C2orf49: variants seen among roughly 807,000 people sequenced by gnomAD.
The protein encoded by C2orf49 is tRNA splicing ligase complex subunit 2, also known as tRNA-splicing ligase complex subunit ASW.
A neutral mutation model predicts 20.6 loss-of-function variants in C2orf49; 11 were observed. The observed-to-expected ratio is 0.53, with a 90% confidence interval of 0.34 to 0.88. The LOEUF (loss-of-function observed/expected upper bound fraction) is 0.88. Ranked by LOEUF, C2orf49 falls within the 40% of genes least tolerant of loss-of-function variation. The pLI is 0.02. For synonymous variants in C2orf49, 134 were observed against 108.5 expected (o/e 1.24, Z -1.46); for missense variants, 289 against 274.2 (o/e 1.05, Z -0.38).
the C2orf49 span, among the ~76,000 whole-genome samples, chr2:105,366,449 G>C: frequency 6.6e-6 from 1 of 152,208 alleles, no homozygotes; most frequent in South Asian, 2.1e-4. Flanking sequence ...CAGAACCTGT[G>C]ATGAGTTCCA....
the C2orf49 span, among the ~76,000 whole-genome samples, chr2:105,372,344 G>A: frequency 6.6e-6 from 1 of 151,940 alleles, no homozygotes; most frequent in Non-Finnish European, 1.5e-5. Flanking sequence ...TCCTGCCTCA[G>A]CCTCCCGAGT....
At chr2:105,352,283 C>G (rs766736926), downstream of C2orf49, among the ~76,000 whole-genome samples, 3 of 151,986 alleles carry the variant, frequency 2.0e-5, no homozygotes, top group Non-Finnish European at 2.9e-5. Flanking sequence ...ATAGACTTTT[C>G]TCTATTAACA....
At position 105,345,396 on chromosome 2, in the gene C2orf49, A is replaced by G. The variant is rs180906133; in HGVS notation, c.*25A>G. On this transcript the variant is annotated 3_prime_UTR_variant, in exon 4 of 4. Coordinates refer to ENST00000258457, the MANE Select transcript of C2orf49 (RefSeq NM_024093.3). ...AAGAAAAGTTTCCAAAAATGTAAATATACTGTAACTGTAGTTTTTCAAATA... is the reference window on the plus strand; with the variant it reads ...AAGAAAAGTTTCCAAAAATGTAAATGTACTGTAACTGTAGTTTTTCAAATA... 2.6e-6 allele frequency: 4 copies of G among 1,545,838 alleles called. No individual in the cohort carries two copies. The highest frequency in any genetic ancestry group is 3.6e-6 in the Non-Finnish European group (4 of 1,122,196).
At chr2:105,361,940 TC>T in the C2orf49 span, among the ~76,000 whole-genome samples, 1,224 of 152,284 alleles carry the variant, frequency 8.0e-3, 16 homozygotes, top group African/African-American at 0.028. Flanking sequence ...AGTGGGAAGA[TC>T]CTGAGAAAGC....
the C2orf49 span, among the ~76,000 whole-genome samples, chr2:105,364,411 G>A: frequency 6.6e-6 from 1 of 152,174 alleles, no homozygotes; most frequent in African/African-American, 2.4e-5. Flanking sequence ...AGAAGAGATG[G>A]GCATCTTGGA....
downstream of C2orf49, among the ~76,000 whole-genome samples, chr2:105,351,266 A>G (rs890276974): frequency 1.7e-5 from 2 of 119,830 alleles, no homozygotes; most frequent in African/African-American, 6.3e-5. Context: ...ATTTTTTTCC[A>G]CTATAGTTAT....
the C2orf49 span, among the ~76,000 whole-genome samples, chr2:105,385,273 G>T: frequency 6.6e-6 from 1 of 152,226 alleles, no homozygotes; most frequent in East Asian, 1.9e-4. Context: ...CCTGGGAACA[G>T]AAAGTGATGG....
At position 105,345,326 on chromosome 2, in the gene C2orf49, G is replaced by A. The variant is rs775844190; in HGVS notation, c.654G>A (p.Lys218=). Residue 218 remains lysine, a synonymous_variant, in exon 4 of 4, where the codon AAG becomes AAA. Transcript: ENST00000258457. ...KEEAEAMNNL[K]PPQAKRKIQH... ...TTCATGTCTTTCAGAATAACCTGAA[G>A]CCCCCACAAGCAAAAAGGAAGATAC... 5 of 1,612,534 alleles carry A rather than the reference G, an allele frequency of 3.1e-6. No homozygotes were observed. Among genetic ancestry groups the A allele is most frequent in the Middle Eastern group, 3.3e-4 (2 of 6,052 alleles).
At chr2:105,345,105 TA>T (rs1452499783) in intron 3 of C2orf49, among the ~76,000 whole-genome samples, 3 of 152,204 alleles carry the variant, frequency 2.0e-5, no homozygotes, top group African/African-American at 4.8e-5. Flanking sequence ...GGCATGTTTT[TA>T]AGTGCTCTAA....
the C2orf49 span, chr2:105,376,889 A>T: frequency 3.3e-5 from 5 of 152,222 alleles, no homozygotes; most frequent in African/African-American, 1.2e-4. Flanking sequence ...TGAGGACATG[A>T]CGTTAAGTGA....
chr2:105,369,213 G>C, the C2orf49 span, among the ~76,000 whole-genome samples: 4 of 152,208 alleles, frequency 2.6e-5, no homozygotes, highest in African/African-American at 9.7e-5. Flanking sequence ...CAAGCCGACA[G>C]AGGGACTGCC....
At chr2:105,379,468 C>A in the C2orf49 span, among the ~76,000 whole-genome samples, 1 of 152,152 alleles carries the variant, frequency 6.6e-6, no homozygotes, top group African/African-American at 2.4e-5. Flanking sequence ...ATCTAAAATT[C>A]TTTTTCTTAA....
the C2orf49 span, among the ~76,000 whole-genome samples, chr2:105,383,795 A>G: frequency 6.6e-6 from 1 of 152,244 alleles, no homozygotes; most frequent in African/African-American, 2.4e-5. Flanking sequence ...ATTATTTTTG[A>G]AAGTCAAGAA....
At chr2:105,367,460 G>A in the C2orf49 span, 60 of 1,132,822 alleles carry the variant, frequency 5.3e-5, no homozygotes, top group Admixed American at 1.6e-4. Context: ...CAGCTCCCAC[G>A]CCACTTAAGT....
In C2orf49 at chr2:105,345,381, T is replaced by C. The variant is rs1679785857; in HGVS notation, c.*10T>C. The C allele has an allele frequency of 6.2e-7, 1 of 1,605,772 alleles. No homozygotes were observed. The highest frequency in any genetic ancestry group is 1.3e-5 in the African/African-American group (1 of 74,618). On this transcript the variant is annotated 3_prime_UTR_variant, in exon 4 of 4. Coordinates refer to ENST00000258457, the MANE Select transcript of C2orf49 (RefSeq NM_024093.3). ...TGTTACTTGGCCCTGAAGAAAAGTT[T>C]CCAAAAATGTAAATATACTGTAACT...
intron 2 of C2orf49, among the ~76,000 whole-genome samples, chr2:105,339,998 GA>G (rs1679623162): frequency 6.6e-6 from 1 of 152,196 alleles, no homozygotes; most frequent in Admixed American, 6.5e-5. Context: ...CAGGGAGAAA[GA>G]TTACAATTTT....
At chr2:105,378,180 A>G in the C2orf49 span, 284 of 471,042 alleles carry the variant, frequency 6.0e-4, 1 homozygote, top group African/African-American at 5.3e-3. Context: ...GCAGAATTCC[A>G]TTTTTCCTAC....
the C2orf49 span, among the ~76,000 whole-genome samples, chr2:105,383,560 C>A: frequency 3.9e-5 from 6 of 152,156 alleles, no homozygotes; most frequent in African/African-American, 1.4e-4. Flanking sequence ...TTCCCATAGG[C>A]ATGCCAACAT....
downstream of C2orf49, among the ~76,000 whole-genome samples, chr2:105,350,190 T>C (rs1679903421): frequency 6.6e-6 from 1 of 152,108 alleles, no homozygotes; most frequent in African/African-American, 2.4e-5. Flanking sequence ...GTGAATAAAA[T>C]GGGAGTTGTA....
Sources: allele counts gnomAD v4.1 joint callset (sites outside exome capture counted in the v4.1 genomes callset), GRCh38; gene constraint gnomAD v4.1.1; transcripts MANE v1.5; gene names NCBI Gene and HGNC (gene_info 2026-07-23, HGNC 2026-07-21).